RNF213: variants seen among roughly 807,000 people sequenced by gnomAD.
RNF213 encodes the protein E3 ubiquitin-protein ligase RNF213.
Under a neutral mutation model 514.4 loss-of-function variants are expected in RNF213, and 341 were observed. The observed-to-expected ratio is 0.66, with a 90% CI of 0.61 to 0.73. The LOEUF (loss-of-function observed/expected upper bound fraction) is 0.73, where lower values mean the gene tolerates loss of function less well. Ranked by LOEUF, RNF213 falls within the 30% of genes least tolerant of loss-of-function variation. RNF213 has a pLI of 0.00. For synonymous variants in RNF213, 2,655 were observed against 2,658.2 expected (o/e 1.00, Z 0.04); for missense variants, 5,767 against 6,615.6 (o/e 0.87, Z 4.45).
Position 80,348,303 on chromosome 17 carries a change from A to G in RNF213, c.9951+17A>G. ...TTCACAGAGGTGATTGTCTTTCTGC[A>G]CTTGTACCCTATCCCCTGTCACCCA... On this transcript the variant is annotated intron_variant, in intron 29 of 67. Transcript: ENST00000582970. The G allele has an allele frequency of 6.2e-7, 1 of 1,608,338 alleles. No individual in the cohort carries two copies. Among genetic ancestry groups the G allele is most frequent in the Non-Finnish European group, 8.5e-7 (1 of 1,179,974 alleles).
intron 5 of RNF213, 38 bp from the exon 6 acceptor site, chr17:80,289,621 G>A: frequency 6.2e-7 from 1 of 1,603,636 alleles, no homozygotes. Context: ...AAATGTGGAG[G>A]CCGGCCTTCA....
At position 80,313,122 on chromosome 17, in the gene RNF213, G is replaced by C. The variant is rs2045627367; in HGVS notation, c.2766G>C (p.Met922Ile). The change falls in exon 15 of 68, where the codon ATG (methionine) becomes ATC (isoleucine). Residue 922 changes from methionine to isoleucine, a missense_variant. By Grantham distance (10) the Met-to-Ile change is conservative. Coordinates refer to ENST00000582970, the MANE Select transcript of RNF213 (RefSeq NM_001256071.3). Reference sequence around the variant, plus strand: ...TCCGAGAAGTTTTTACAAAGAACATGCTCACATCTTCAGGTGCCTCATTCA... The same window carrying C: ...TCCGAGAAGTTTTTACAAAGAACATCCTCACATCTTCAGGTGCCTCATTCA... ...RWLREVFTKN[M>I]LTSSGASFTY... is the part of the protein sequence containing the mutation. 1 of 1,614,036 alleles carries C rather than the reference G, an allele frequency of 6.2e-7. No individual in the cohort carries two copies. The highest frequency in any genetic ancestry group is 8.5e-7 in the Non-Finnish European group (1 of 1,180,048).
At chr17:80,361,973 TG>T in intron 39 of RNF213, 85 bp downstream of exon 39, 9 of 1,467,692 alleles carry the variant, frequency 6.1e-6, no homozygotes, top group Non-Finnish European at 8.5e-6. Flanking sequence ...TTTCCTCAGC[TG>T]CCTGGAGCTG....
At chr17:80,359,550 AAAG>A (rs1327771339) in intron 37 of RNF213, among the ~76,000 whole-genome samples, 2 of 146,652 alleles carry the variant, frequency 1.4e-5, no homozygotes, top group African/African-American at 2.5e-5. Flanking sequence ...AAAAAAAAAA[AAAG>A]AGTGAGAGAG....
Position 80,346,307 on chromosome 17 carries a change from C to G in RNF213, c.7972C>G (p.Leu2658Val), listed in dbSNP as rs2078308739. The part of the protein sequence containing the change: ...FRWFHEHSAM[L>V]LAQLNAFLSK... ...GTGGTTCCACGAGCACAGCGCGATG[C>G]TCTTAGCGCAGCTGAATGCCTTTCT... Residue 2658 changes from leucine (L) to valine (V), a missense_variant, in exon 29 of 68, where the codon CTC (leucine) becomes GTC (valine). Coordinates refer to ENST00000582970, the MANE Select transcript of RNF213 (RefSeq NM_001256071.3). The surrounding 1 kb of genome is among the most constrained non-coding windows in gnomAD (Gnocchi z 8.1). 1 of 1,613,998 alleles carries G rather than the reference C, an allele frequency of 6.2e-7. No homozygotes were observed. Among genetic ancestry groups the G allele is most frequent in the African/African-American group, 1.3e-5 (1 of 74,928 alleles).
chr17:80,341,699 C>T (rs908582585), intron 26 of RNF213: 2 of 152,188 alleles, frequency 1.3e-5, no homozygotes, highest in African/African-American at 4.8e-5. Flanking sequence ...AAATACGACA[C>T]TGCACTCCAG....
chr17:80,277,069 CAAACCAAAAAAA>C (rs1199844721), intron 3 of RNF213, among the ~76,000 whole-genome samples: 1 of 146,880 alleles, frequency 6.8e-6, no homozygotes, highest in Non-Finnish European at 1.5e-5. Flanking sequence ...ACAAAGCAAA[CAAACCAAAAAAA>C]AAACAAAAAA....
At chr17:80,369,454 G>A in intron 44 of RNF213, 48 bp from the exon 45 acceptor site, 3 of 1,539,770 alleles carry the variant, frequency 1.9e-6, no homozygotes, top group African/African-American at 2.7e-5. Context: ...CTGTAAGGAG[G>A]CATTTGGGAA....
At chr17:80,379,585 C>A in intron 54 of RNF213, 35 bp from the exon 55 acceptor site, 1 of 1,586,122 alleles carries the variant, frequency 6.3e-7, no homozygotes, top group South Asian at 1.1e-5. Flanking sequence ...TGGTACTGCT[C>A]CAGAAGTGGT....
chr17:80,375,805 A>G lies in RNF213; in HGVS notation c.13120A>G (p.Thr4374Ala). The stretch of plus-strand genomic sequence containing the variant: ...CCAGCAGTCAGCCTACTTCCTGTTA[A>G]CACTGTTTAGAGAGGTGGCTATTTT... ...QSQQSAYFLLTLFREVAILYR... is the reference protein window; with the variant it reads ...QSQQSAYFLLALFREVAILYR... The change falls in exon 51 of 68, where the codon ACA becomes GCA. Residue 4374 changes from threonine (T) to alanine (A), a missense_variant. Thr to Ala is a moderately conservative substitution (Grantham distance 58). Transcript: ENST00000582970. 6.2e-7 allele frequency: 1 copy of G among 1,614,150 alleles called. No homozygotes were observed.
chr17:80,390,258 C>A, intron 67 of RNF213, 62 bp downstream of exon 67: 1 of 1,509,038 alleles, frequency 6.6e-7, no homozygotes, highest in Non-Finnish European at 9.2e-7. Flanking sequence ...CTCCTGTGAT[C>A]TTCTATAGAC....
intron 6 of RNF213, 35 bp downstream of exon 6, chr17:80,289,872 C>T: frequency 1.3e-6 from 2 of 1,580,388 alleles, no homozygotes; most frequent in East Asian, 2.3e-5. Flanking sequence ...AAAGGAGACC[C>T]TGCCTGAGAG....
chr17:80,273,488 G>C (rs2043899727), intron 3 of RNF213, 84 bp downstream of exon 3: 1 of 1,563,582 alleles, frequency 6.4e-7, no homozygotes, highest in African/African-American at 1.4e-5. Context: ...GCTAGCCCCC[G>C]AAAATGCCAC....
chr17:80,291,076 T>C (rs1008024145), intron 7 of RNF213, among the ~76,000 whole-genome samples: 1 of 152,152 alleles, frequency 6.6e-6, no homozygotes, highest in African/African-American at 2.4e-5. Flanking sequence ...CCTCCCAAAG[T>C]GCTGGGATTA....
chr17:80,315,751 G>A (rs56218925), intron 15 of RNF213: 2 of 84,762 alleles, frequency 2.4e-5, no homozygotes, highest in African/African-American at 6.4e-5. Flanking sequence ...GGTGGTGGTG[G>A]AGGTGACAGT....
chr17:80,365,848 G>A (rs2079247798), intron 42 of RNF213, among the ~76,000 whole-genome samples: 1 of 152,202 alleles, frequency 6.6e-6, no homozygotes, highest in Non-Finnish European at 1.5e-5. Context: ...GGTCATAAGG[G>A]CCAGGTGCCC....
chr17:80,323,514 T>C (rs113259603), intron 17 of RNF213, among the ~76,000 whole-genome samples: 22 of 152,256 alleles, frequency 1.4e-4, no homozygotes, highest in African/African-American at 5.3e-4. Context: ...AAGTTGGATT[T>C]CTTTCATTCA....
rs4890012 is a variant in RNF213, at chr17:80,345,580, G to C, written c.7245G>C (p.Pro2415=). 0.61 allele frequency: 981,666 copies of C among 1,613,314 alleles called. 304,964 individuals carry two copies. Among genetic ancestry groups the C allele is most frequent in the Non-Finnish European group, 0.64 (754,901 of 1,179,518 alleles). Residue 2415 remains proline, a synonymous_variant, in exon 29 of 68, where the codon CCG becomes CCC. Coordinates refer to ENST00000582970, the MANE Select transcript of RNF213 (RefSeq NM_001256071.3). The surrounding 1 kb of genome is among the most constrained non-coding windows in gnomAD (Gnocchi z 6.0). ...AGATGCGGTTCCGGTGTGGGATCCC[G>C]GTTATCATCATGGGAGAAACTGGCT... ...AIEMRFRCGI[P]VIIMGETGCG...
At chr17:80,319,052 G>T in intron 16 of RNF213, 138 bp from the exon 17 acceptor site, 7 of 1,584,726 alleles carry the variant, frequency 4.4e-6, no homozygotes, top group Non-Finnish European at 5.1e-6. Context: ...CATGCTTTGC[G>T]TGGGCCAGGA....
Sources: gnomAD v4.1 joint callset for allele counts (sites outside exome capture counted in the v4.1 genomes callset) on GRCh38, gnomAD v4.1.1 for gene constraint, Gnocchi (gnomAD v3.1) non-coding constraint, MANE v1.5 for transcripts, NCBI Gene and HGNC (gene_info 2026-07-23, HGNC 2026-07-21) for gene names.